The following LAMA5 variants were observed in gnomAD, a reference collection of about 807,000 sequenced individuals.
LAMA5 encodes laminin subunit alpha 5.
LAMA5 carries 260 observed loss-of-function variants against 433.4 expected under a neutral mutation model. The ratio of observed to expected loss-of-function variants is 0.60; its 90% CI spans 0.54 to 0.66. The LOEUF is 0.66. Ranked by LOEUF, LAMA5 falls within the 30% of genes least tolerant of loss-of-function variation. The probability of loss-of-function intolerance (pLI) is 0.00; values close to 1 mark genes in which losing one functional copy is unlikely to be tolerated. For missense variants in LAMA5, 5,378 were observed against 5,258.5 expected, an observed-to-expected ratio of 1.02 and a Z score of -0.70; for synonymous variants, 2,620 against 2,226.6, an observed-to-expected ratio of 1.18 and a Z score of -4.97.
intron 37 of LAMA5, 35 bp downstream of exon 37, chr20:62,327,494 C>A (rs557951394): frequency 1.2e-6 from 2 of 1,611,478 alleles, no homozygotes; most frequent in Non-Finnish European, 1.7e-6. Context: ...TAAGACCTCC[C>A]CGAGAAGGCA....
chr20:62,352,122 G>A (rs1302177595), intron 4 of LAMA5, 43 bp from the exon 5 acceptor site: 1 of 1,598,814 alleles, frequency 6.3e-7, no homozygotes, highest in East Asian at 2.2e-5. Flanking sequence ...CCTAGCCCCT[G>A]CTCAGCACTG....
chr20:62,312,634 C>T lies in LAMA5; in HGVS notation c.9225G>A (p.Pro3075=), dbSNP rs201429053. 1.8e-4 allele frequency: 282 copies of T among 1,605,440 alleles called. No homozygotes were observed. The East Asian group carries it at 4.5e-3, about 25-fold the overall frequency. The change falls in exon 67 of 80, where the codon CCG becomes CCA. Residue 3075 remains proline (P), a splice_region_variant and synonymous_variant. Coordinates refer to ENST00000252999, the MANE Select transcript of LAMA5 (RefSeq NM_005560.6). Reference sequence around the variant, plus strand: ...CCCCAGCTGCGCACAGTGCTTACCTCGGGGGCAGCTGGTCGGGCGGCACGC... The same window carrying T: ...CCCCAGCTGCGCACAGTGCTTACCTTGGGGGCAGCTGGTCGGGCGGCACGC... ...LGGVPPDQLP[P]SLRRLFPTGG...
intron 2 of LAMA5, among the ~76,000 whole-genome samples, chr20:62,354,144 C>T (rs1177007897): frequency 3.9e-5 from 6 of 152,062 alleles, no homozygotes; most frequent in African/African-American, 7.2e-5. Flanking sequence ...GTCTGTGCCT[C>T]GGGGCTGGGG....
chr20:62,336,415 C>A lies in LAMA5; in HGVS notation c.2248G>T (p.Val750Leu), dbSNP rs201119098. Residue 750 changes from valine to leucine, a missense_variant, in exon 18 of 80, where the codon GTG (valine) becomes TTG (leucine). Physicochemically the swap from Val to Leu is conservative, Grantham distance 32 (BLOSUM62 1). Coordinates refer to ENST00000252999, the MANE Select transcript of LAMA5 (RefSeq NM_005560.6). Reference sequence around the variant, plus strand: ...CAGCGGTCACAGCTCGGCCCCTCCACGTGAGCCCGGCACATACAGGGAACC... The same window carrying A: ...CAGCGGTCACAGCTCGGCCCCTCCAAGTGAGCCCGGCACATACAGGGAACC... Reference protein sequence around the residue: ...AQVPCMCRAHVEGPSCDRCKP... With the variant: ...AQVPCMCRAHLEGPSCDRCKP... 5.0e-6 allele frequency: 8 copies of A among 1,612,482 alleles called. No homozygotes were observed. The highest frequency in any genetic ancestry group is 6.8e-6 in the Non-Finnish European group (8 of 1,179,842).
At chr20:62,360,798 A>C (rs910301132) in intron 2 of LAMA5, among the ~76,000 whole-genome samples, 1 of 152,074 alleles carries the variant, frequency 6.6e-6, no homozygotes, top group African/African-American at 2.4e-5. Context: ...TTTCTGGCCC[A>C]GAACAATCTA....
intron 53 of LAMA5, 42 bp downstream of exon 53, chr20:62,318,412 C>T (rs780166681): frequency 2.7e-5 from 40 of 1,462,988 alleles, no homozygotes; most frequent in South Asian, 1.0e-4. Context: ...AGGGAGGAGG[C>T]GGGAAGAGGA....
rs1985795242 is a variant in LAMA5, at chr20:62,309,246, T to TA, written c.*89dup. The TA allele has an allele frequency of 9.3e-6, 12 of 1,292,262 alleles. No homozygotes were observed. The highest frequency in any genetic ancestry group is 2.5e-5 in the Admixed American group (1 of 40,502). The allele number at this position is 1,292,262 out of a possible 1,614,324, so 80.0% of individuals were successfully genotyped here. A position where few individuals can be genotyped will look rare whatever the true frequency, so the allele number is the denominator to read the frequency against. ...AACAAGATCTGTCACCCGTAGAGCT[T>TA]AGAGTCCAAATAGACACCTATGAGG... is the stretch of plus-strand genomic sequence containing the variant. On this transcript the variant is annotated 3_prime_UTR_variant, in exon 80 of 80. Coordinates refer to ENST00000252999, the MANE Select transcript of LAMA5 (RefSeq NM_005560.6).
chr20:62,365,880 C>T (rs1455212513), intron 1 of LAMA5, among the ~76,000 whole-genome samples: 1 of 152,108 alleles, frequency 6.6e-6, no homozygotes, highest in African/African-American at 2.4e-5. Flanking sequence ...CTCCTTCCCC[C>T]TCCACCAGGG....
rs369815289 is a variant in LAMA5 at position 62,322,688 on chromosome 20, G to A, written c.6135C>T (p.Gly2045=). The A allele has an allele frequency of 4.6e-4, 662 of 1,427,156 alleles. 5 individuals carry two copies. The Middle Eastern group carries it at 0.012, about 25-fold the overall frequency. The allele number at this position is 1,427,156 out of a possible 1,614,324, so 88.4% of individuals were successfully genotyped here. A position where few individuals can be genotyped will look rare whatever the true frequency, so the allele number is the denominator to read the frequency against. ...PHSGHCLCKA[G]VTGRRCDRCQ... ...AGCGGTCACAGCGCCGCCCAGTCAC[G>A]CCCGCCTTGCACAGGCAGTGCCCGC... The change falls in exon 46 of 80, where the codon GGC becomes GGT. Residue 2045 remains glycine, a synonymous_variant. Coordinates refer to ENST00000252999, the MANE Select transcript of LAMA5 (RefSeq NM_005560.6).
Position 62,359,183 on chromosome 20 carries a change from G to C in LAMA5, c.450+3217C>G, listed in dbSNP as rs571121398. ...CTCCCTACCGGAAGGGGGCCCGTGC[G>C]TCCTCACTCCTCATCTGAGGGAGGC... On this transcript the variant is annotated intron_variant, in intron 2 of 79. Transcript: ENST00000252999. The surrounding 1 kb of genome is among the most constrained non-coding windows in gnomAD (Gnocchi z 4.3). 3.9e-5 allele frequency among the ~76,000 whole-genome samples: 6 copies of C among 152,108 alleles called. No individual in the cohort carries two copies. Among genetic ancestry groups the C allele is most frequent in the Non-Finnish European group, 7.4e-5 (5 of 68,012 alleles).
At position 62,351,750 on chromosome 20, in the gene LAMA5, C is replaced by T. The variant is rs780029947; in HGVS notation, c.910G>A (p.Gly304Ser). The change falls in exon 6 of 80, where the codon GGC becomes AGC. Residue 304 changes from glycine to serine, a missense_variant. Gly to Ser is a moderately conservative substitution (Grantham distance 56). Transcript: ENST00000252999. ...TTGGCATCGCAGGCATCCGCGTGGC[C>T]GTGGCAGACACAGCGGCCTCCGATG... ...ISIGGRCVCH[G>S]HADACDAKDP... 9.3e-6 allele frequency: 15 copies of T among 1,611,848 alleles called. No homozygotes were observed. The highest frequency in any genetic ancestry group is 4.5e-5 in the East Asian group (2 of 44,874).
In LAMA5 at chr20:62,330,784, C is replaced by T; in HGVS notation, c.3811G>A (p.Val1271Met). 6.4e-7 allele frequency: 1 copy of T among 1,563,542 alleles called. No homozygotes were observed. Among genetic ancestry groups the T allele is most frequent in the Non-Finnish European group, 8.7e-7 (1 of 1,155,058 alleles). ...AGGGTGGGCTCTGCATCAGGGTCCA[C>T]AGCGGTGGGGGGCCGAGGTCGGGGT... is the stretch of plus-strand genomic sequence containing the variant. Reference protein sequence around the residue: ...AGPRPRPPTAVDPDAEPTLLR... With the variant: ...AGPRPRPPTAMDPDAEPTLLR... The change falls in exon 30 of 80, where the codon GTG (valine) becomes ATG (methionine). Residue 1271 changes from valine to methionine, a missense_variant. Transcript: ENST00000252999.
intron 54 of LAMA5, 26 bp from the exon 55 acceptor site, chr20:62,317,525 T>A (rs1408738661): frequency 6.5e-7 from 1 of 1,530,684 alleles, no homozygotes; most frequent in Non-Finnish European, 8.8e-7. Flanking sequence ...ACTTAGCCCC[T>A]CATCCTGCTC....
In LAMA5 at chr20:62,316,998, G is replaced by A. The variant is rs762803716; in HGVS notation, c.7537C>T (p.Arg2513Cys). 44 of 1,544,268 alleles carry A rather than the reference G, an allele frequency of 2.8e-5. No individual in the cohort carries two copies. Among genetic ancestry groups the A allele is most frequent in the Middle Eastern group, 3.6e-4 (2 of 5,500 alleles). The part of the protein sequence containing the change: ...SSIILDVNQD[R>C]LTQRAIEASN... ...GCCTCGATGGCCCTCTGGGTGAGGC[G>A]GTCCTGGTTGACGTCCAGGATGATG... Residue 2513 changes from arginine to cysteine, a missense_variant, in exon 56 of 80, where the codon CGC becomes TGC. Coordinates refer to ENST00000252999, the MANE Select transcript of LAMA5 (RefSeq NM_005560.6).
intron 6 of LAMA5, among the ~76,000 whole-genome samples, chr20:62,350,599 A>G (rs1210821372): frequency 6.6e-6 from 1 of 152,106 alleles, no homozygotes; most frequent in African/African-American, 2.4e-5. Context: ...ATCCAAGCGC[A>G]TGAAAGTTGG....
intron 25 of LAMA5, 42 bp from the exon 26 acceptor site, chr20:62,333,285 G>T (rs201578717): frequency 1.3e-6 from 2 of 1,587,456 alleles, no homozygotes; most frequent in Non-Finnish European, 1.7e-6. Flanking sequence ...GTCCACCCAG[G>T]TCCCCAGAGA....
At chr20:62,314,187 G>C (rs1429555839) in intron 62 of LAMA5, 117 bp downstream of exon 62, 6 of 1,248,494 alleles carry the variant, frequency 4.8e-6, no homozygotes, top group Non-Finnish European at 3.4e-6. Flanking sequence ...GAGGCGAGGG[G>C]TGGCGAGTGG....
At position 62,316,062 on chromosome 20, in the gene LAMA5, CG is replaced by C; in HGVS notation, c.7757-5del. 1 of 1,600,496 alleles carries C rather than the reference CG, an allele frequency of 6.2e-7. No individual in the cohort carries two copies. Reference sequence around the variant, plus strand: ...GCACCCTGGAGGGCAGCCCACACTGCGGGGGAGGCAGCTTCAGCTCCCAGGC... The same window carrying C: ...GCACCCTGGAGGGCAGCCCACACTGCGGGGAGGCAGCTTCAGCTCCCAGGC... On this transcript the variant is annotated splice_region_variant and splice_polypyrimidine_tract_variant and intron_variant, in intron 57 of 79. Coordinates refer to ENST00000252999, the MANE Select transcript of LAMA5 (RefSeq NM_005560.6).
Position 62,324,221 on chromosome 20 carries a change from A to G in LAMA5, c.5644-17T>C, listed in dbSNP as rs370784831. On this transcript the variant is annotated splice_polypyrimidine_tract_variant and intron_variant, in intron 42 of 79. Coordinates refer to ENST00000252999, the MANE Select transcript of LAMA5 (RefSeq NM_005560.6). This position sits in a 1 kb window ranked among gnomAD's most constrained non-coding sequence, Gnocchi z 4.4. ...CTGGCAGTCCTGGGGCAGAGTGGAC[A>G]GTCAGAGCTATGGTGGACACCCACA... is the stretch of plus-strand genomic sequence containing the variant. 9.8e-5 allele frequency: 154 copies of G among 1,577,578 alleles called. No individual in the cohort carries two copies. The African/African-American group carries it at 2.0e-3, about 20-fold the overall frequency.
Sources: allele counts gnomAD v4.1 joint callset (sites outside exome capture counted in the v4.1 genomes callset), GRCh38; gene constraint gnomAD v4.1.1; non-coding constraint Gnocchi (gnomAD v3.1); transcripts MANE v1.5; gene names NCBI Gene and HGNC (gene_info 2026-07-23, HGNC 2026-07-21).